SLC35F3: variants seen among roughly 807,000 people sequenced by gnomAD.
The protein encoded by SLC35F3 is solute carrier family 35 member F3.
In SLC35F3, 25 loss-of-function variants were observed where a neutral mutation model predicts 49.9. That is an observed-to-expected ratio of 0.50 (90% CI 0.37 to 0.70). SLC35F3 has a LOEUF of 0.70. Among genes scored for constraint, SLC35F3 ranks in the 30% least tolerant of loss-of-function variants. The pLI, the probability that SLC35F3 is intolerant of heterozygous loss-of-function variation, is 0.00. For synonymous variants in SLC35F3, 275 were observed against 265.4 expected (o/e 1.04, Z -0.35); for missense variants, 525 against 639.8 (o/e 0.82, Z 1.94).
chr1:234,134,155 C>T (rs1665775412), intron 2 of SLC35F3, among the ~76,000 whole-genome samples: 1 of 151,822 alleles, frequency 6.6e-6, no homozygotes, highest in East Asian at 1.9e-4. Flanking sequence ...TTTAACCATC[C>T]ATTATATAGC....
intron 3 of SLC35F3, among the ~76,000 whole-genome samples, chr1:234,277,750 A>G (rs993141897): frequency 4.6e-5 from 7 of 152,228 alleles, no homozygotes; most frequent in African/African-American, 1.4e-4. Flanking sequence ...ATGCAGCAAT[A>G]CACTGTGGAT....
chr1:233,983,778 A>T (rs1313285979), intron 2 of SLC35F3, among the ~76,000 whole-genome samples: 3 of 152,342 alleles, frequency 2.0e-5, no homozygotes, highest in Non-Finnish European at 4.4e-5. Flanking sequence ...AAAAGCAATA[A>T]ATAGGGACCA....
intron 2 of SLC35F3, among the ~76,000 whole-genome samples, chr1:234,042,463 A>G (rs1365266591): frequency 6.6e-6 from 1 of 152,220 alleles, no homozygotes; most frequent in African/African-American, 2.4e-5. Context: ...AAAAAGAACC[A>G]AAGAATAAAA....
chr1:233,927,534 C>T (rs568812450), intron 2 of SLC35F3, among the ~76,000 whole-genome samples: 29 of 152,130 alleles, frequency 1.9e-4, no homozygotes, highest in Admixed American at 8.5e-4. Context: ...TACTAAGAGA[C>T]GCATTCTAAT....
intron 2 of SLC35F3, among the ~76,000 whole-genome samples, chr1:234,004,346 G>T (rs1463826041): frequency 1.3e-5 from 2 of 152,088 alleles, no homozygotes; most frequent in Non-Finnish European, 1.5e-5. Flanking sequence ...ATATATCTCA[G>T]AAATATTTCT....
chr1:234,298,645 CA>C (rs1383379879), intron 3 of SLC35F3, among the ~76,000 whole-genome samples: 4 of 151,866 alleles, frequency 2.6e-5, no homozygotes, highest in African/African-American at 9.7e-5. Context: ...CCTGCTGAAA[CA>C]GCATCTCTAG....
chr1:233,968,929 G>C (rs1662945532), intron 2 of SLC35F3, among the ~76,000 whole-genome samples: 1 of 152,000 alleles, frequency 6.6e-6, no homozygotes, highest in Non-Finnish European at 1.5e-5. Flanking sequence ...TTGGTTTTCT[G>C]TTCCTGCATT....
chr1:234,266,855 G>A (rs1214793857), intron 3 of SLC35F3, among the ~76,000 whole-genome samples: 1 of 143,004 alleles, frequency 7.0e-6, no homozygotes, highest in Non-Finnish European at 1.5e-5. Context: ...TGACCAAAAT[G>A]TCCATATGAA....
In SLC35F3 at chr1:233,955,849, AAGGGAGTCAGCAGAGGAGGTG is replaced by A. The variant is rs569437175; in HGVS notation, c.283+50092_283+50112del. ...CAACTGTGTTTCCATTGTTGACCACAAGGGAGTCAGCAGAGGAGGTGTGGGTATCTTTTTTTTTTTTTTTTT... is the reference window on the plus strand; with the variant it reads ...CAACTGTGTTTCCATTGTTGACCACATGGGTATCTTTTTTTTTTTTTTTTT... On this transcript the variant is annotated intron_variant, in intron 2 of 7. Transcript: ENST00000366618. Among the ~76,000 whole-genome samples, 38 of 140,768 alleles carry A rather than the reference AAGGGAGTCAGCAGAGGAGGTG, an allele frequency of 2.7e-4. No homozygotes were observed. The South Asian group carries it at 5.5e-3, about 21-fold the overall frequency. The allele number at this position is 140,768 out of a possible 152,430, so 92.3% of individuals were successfully genotyped here.
intron 2 of SLC35F3, among the ~76,000 whole-genome samples, chr1:233,959,083 A>G (rs1662751380): frequency 1.3e-5 from 2 of 152,312 alleles, no homozygotes; most frequent in South Asian, 4.1e-4. Context: ...GCCATTGTAA[A>G]GTAATACATA....
At chr1:234,301,995 C>T (rs519189) in intron 3 of SLC35F3, among the ~76,000 whole-genome samples, 91,948 of 151,844 alleles carry the variant, frequency 0.61, 28,042 homozygotes, top group Middle Eastern at 0.78. Context: ...ACATTGAGAA[C>T]ATGTGGACAC....
chr1:234,290,136 G>C (rs1286591317), intron 3 of SLC35F3, among the ~76,000 whole-genome samples: 1 of 152,108 alleles, frequency 6.6e-6, no homozygotes, highest in Non-Finnish European at 1.5e-5. Flanking sequence ...ATCATCCAAA[G>C]TAAAGCACAG....
At chr1:234,117,489 G>C (rs554537819) in intron 2 of SLC35F3, among the ~76,000 whole-genome samples, 2 of 152,186 alleles carry the variant, frequency 1.3e-5, no homozygotes, top group African/African-American at 4.8e-5. Flanking sequence ...CTACTTGGGA[G>C]GCTGAGGCAC....
chr1:233,954,727 C>T (rs1229016113), intron 2 of SLC35F3, among the ~76,000 whole-genome samples: 1 of 152,216 alleles, frequency 6.6e-6, no homozygotes, highest in East Asian at 1.9e-4. Context: ...GTACTGTAGC[C>T]TTCTTGCAGC....
intron 5 of SLC35F3, among the ~76,000 whole-genome samples, chr1:234,317,733 G>C (rs1657525108): frequency 6.6e-6 from 1 of 152,176 alleles, no homozygotes; most frequent in Non-Finnish European, 1.5e-5. Flanking sequence ...TCACTGAGGA[G>C]ATGTGATAAT....
intron 2 of SLC35F3, among the ~76,000 whole-genome samples, chr1:234,016,481 T>C (rs1663804493): frequency 6.6e-6 from 1 of 152,200 alleles, no homozygotes; most frequent in African/African-American, 2.4e-5. Context: ...GGAAGGACAT[T>C]CTGTCATTTG....
At chr1:233,915,070 CAG>C (rs1558177071) in intron 2 of SLC35F3, among the ~76,000 whole-genome samples, 1 of 152,218 alleles carries the variant, frequency 6.6e-6, no homozygotes, top group East Asian at 1.9e-4. Flanking sequence ...ACTCCTCAAA[CAG>C]AGATATTCAG....
At position 234,231,426 on chromosome 1, in the gene SLC35F3, GC is replaced by G; in HGVS notation, c.298del (p.Arg100GlyfsTer59). The G allele has an allele frequency of 6.4e-7, 1 of 1,562,756 alleles. No individual in the cohort carries two copies. The highest frequency in any genetic ancestry group is 8.6e-7 in the Non-Finnish European group (1 of 1,157,170). On this transcript the variant is annotated frameshift_variant, in exon 3 of 8. Transcript: ENST00000366618. LOFTEE classifies it high-confidence loss of function. This position sits in a 1 kb window ranked among gnomAD's most constrained non-coding sequence, Gnocchi z 5.4. The part of the protein sequence containing the change: ...PWAASCKREE[R>X]PRDSPGPAEA... ...CCCTTCTCTTCCCCAGGGGAGGAGC[GC>G]CCCCGGGACTCCCCGGGCCCGGCGG...
intron 3 of SLC35F3, among the ~76,000 whole-genome samples, chr1:234,298,069 C>A (rs1238099376): frequency 6.6e-6 from 1 of 152,090 alleles, no homozygotes. Context: ...GTACTTACTC[C>A]AAACTCATTA....
Sources: allele counts gnomAD v4.1 joint callset (sites outside exome capture counted in the v4.1 genomes callset), GRCh38; gene constraint gnomAD v4.1.1; non-coding constraint Gnocchi (gnomAD v3.1); transcripts MANE v1.5; gene names NCBI Gene and HGNC (gene_info 2026-07-23, HGNC 2026-07-21).